DCDC1: variants seen among roughly 807,000 people sequenced by gnomAD.
DCDC1 encodes doublecortin domain containing 1.
Under a neutral mutation model 178.3 loss-of-function variants are expected in DCDC1, and 200 were observed. That is an observed-to-expected ratio of 1.12 (90% CI 1.00 to 1.26). The LOEUF (loss-of-function observed/expected upper bound fraction) is 1.26, where lower values mean the gene tolerates loss of function less well. Among genes scored for constraint, DCDC1 ranks in the 50% most tolerant of loss-of-function variants. DCDC1 has a pLI of 0.00. For missense variants in DCDC1, 1,983 were observed against 1,749.2 expected, an observed-to-expected ratio of 1.13 and a Z score of -2.38; for synonymous variants, 690 against 604.8, an observed-to-expected ratio of 1.14 and a Z score of -2.07.
intron 9 of DCDC1, among the ~76,000 whole-genome samples, chr11:31,146,073 CTT>C (rs35032604): frequency 1.5e-4 from 20 of 136,784 alleles, no homozygotes; most frequent in Admixed American, 1.5e-4. Flanking sequence ...TTAATCCAGT[CTT>C]TTTTTTTTTT....
rs758390301 is a variant in DCDC1 at position 30,915,718 on chromosome 11, T to C, written c.3453-7A>G. 8.1e-6 allele frequency: 13 copies of C among 1,608,446 alleles called. No homozygotes were observed. In the South Asian group the frequency reaches 1.1e-4, roughly 14 times the overall value. On this transcript the variant is annotated splice_region_variant and splice_polypyrimidine_tract_variant and intron_variant, in intron 26 of 38. Transcript: ENST00000684477. Reference sequence around the variant, plus strand: ...ACTATGCTTTGGTGAACAGCTGAGATAAAGAAATCTCTATTAGTGGCAGAA... The same window carrying C: ...ACTATGCTTTGGTGAACAGCTGAGACAAAGAAATCTCTATTAGTGGCAGAA...
intron 21 of DCDC1, among the ~76,000 whole-genome samples, chr11:30,942,895 G>A (rs886616294): frequency 1.3e-5 from 2 of 152,148 alleles, no homozygotes; most frequent in Admixed American, 6.5e-5. Flanking sequence ...TACTACTGTC[G>A]GTTCTTCCTT....
intron 16 of DCDC1, among the ~76,000 whole-genome samples, chr11:31,091,984 T>G (rs1957848692): frequency 6.6e-6 from 1 of 152,230 alleles, no homozygotes; most frequent in Non-Finnish European, 1.5e-5. Flanking sequence ...GTTTGTGAAC[T>G]GCTTTTATTT....
intron 22 of DCDC1, among the ~76,000 whole-genome samples, chr11:30,928,735 T>C (rs1466226610): frequency 3.1e-5 from 3 of 97,774 alleles, no homozygotes; most frequent in Non-Finnish European, 6.6e-5. Context: ...ACATGACATG[T>C]TATTACATAA....
intron 20 of DCDC1, among the ~76,000 whole-genome samples, chr11:31,038,785 G>A (rs1954243984): frequency 3.3e-5 from 5 of 151,942 alleles, no homozygotes; most frequent in Admixed American, 3.3e-4. Context: ...TCTAACAACA[G>A]GACAGTTCTC....
intron 17 of DCDC1, among the ~76,000 whole-genome samples, chr11:31,080,967 C>T (rs1457420010): frequency 6.6e-6 from 1 of 152,134 alleles, no homozygotes; most frequent in Non-Finnish European, 1.5e-5. Context: ...TATCGAATTA[C>T]GGTGTTGCCT....
chr11:31,070,450 T>C (rs1049322034), intron 18 of DCDC1, among the ~76,000 whole-genome samples: 4 of 152,154 alleles, frequency 2.6e-5, no homozygotes, highest in Admixed American at 2.0e-4. Context: ...TTCTAACCTA[T>C]TTTTTACCAC....
intron 20 of DCDC1, among the ~76,000 whole-genome samples, chr11:30,983,158 T>TA (rs779219970): frequency 3.9e-4 from 58 of 150,476 alleles, no homozygotes; most frequent in East Asian, 9.8e-4. Context: ...CTTAACAAAA[T>TA]AAAAAAAAAG....
chr11:30,990,945 T>C (rs1418562494), intron 20 of DCDC1, among the ~76,000 whole-genome samples: 1 of 152,150 alleles, frequency 6.6e-6, no homozygotes, highest in Non-Finnish European at 1.5e-5. Context: ...AATTCCAAAA[T>C]AATTTTGGGG....
At chr11:30,907,832 T>C (rs978769704) in intron 29 of DCDC1, among the ~76,000 whole-genome samples, 9 of 152,180 alleles carry the variant, frequency 5.9e-5, no homozygotes, top group Non-Finnish European at 2.9e-5. Context: ...AATGGGTTTT[T>C]TATTTAAGCC....
At chr11:31,273,405 T>C (rs2137192468) in intron 7 of DCDC1, among the ~76,000 whole-genome samples, 1 of 152,244 alleles carries the variant, frequency 6.6e-6, no homozygotes, top group East Asian at 1.9e-4. Context: ...TCTCTCAATT[T>C]CAAAGTTCCA....
intron 38 of DCDC1, among the ~76,000 whole-genome samples, chr11:30,866,735 C>G (rs1451419082): frequency 6.6e-6 from 1 of 152,038 alleles, no homozygotes; most frequent in Non-Finnish European, 1.5e-5. Flanking sequence ...TAAGCTACCC[C>G]TCTTGTGGTA....
rs569465161 is a variant in DCDC1, at chr11:30,939,667, T to C, written c.2716-7715A>G. Among the ~76,000 whole-genome samples, 33 of 152,316 alleles carry C rather than the reference T, an allele frequency of 2.2e-4. No individual in the cohort carries two copies. In the South Asian group the frequency reaches 6.6e-3, roughly 31 times the overall value. On this transcript the variant is annotated intron_variant, in intron 21 of 38. Coordinates refer to ENST00000684477, the MANE Select transcript of DCDC1 (RefSeq NM_001387274.1). Reference sequence around the variant, plus strand: ...TCAATTTCCCAATAATGAAACTTTCTTCTCTTTAATGAGCTGACCCCACCT... The same window carrying C: ...TCAATTTCCCAATAATGAAACTTTCCTCTCTTTAATGAGCTGACCCCACCT...
At chr11:30,872,986 C>T (rs1230209555) in intron 38 of DCDC1, among the ~76,000 whole-genome samples, 1 of 150,616 alleles carries the variant, frequency 6.6e-6, no homozygotes, top group Non-Finnish European at 1.5e-5. Flanking sequence ...GCAGTGACTG[C>T]CTGAATATAT....
intron 1 of DCDC1, among the ~76,000 whole-genome samples, chr11:31,357,596 C>T (rs374977668): frequency 4.6e-5 from 7 of 151,776 alleles, no homozygotes; most frequent in East Asian, 1.9e-4. Context: ...AGGGCAATTA[C>T]GCAGGAGAAG....
At chr11:31,020,149 T>C (rs1161631011) in intron 20 of DCDC1, among the ~76,000 whole-genome samples, 12 of 152,164 alleles carry the variant, frequency 7.9e-5, no homozygotes, top group Admixed American at 7.9e-4. Flanking sequence ...AAACAAGAGG[T>C]GCTGGATAAG....
chr11:31,005,278 T>C (rs1295503143), intron 20 of DCDC1, among the ~76,000 whole-genome samples: 1 of 152,200 alleles, frequency 6.6e-6, no homozygotes, highest in African/African-American at 2.4e-5. Flanking sequence ...CAATGGCTGG[T>C]TTCCTCACAC....
chr11:31,335,719 C>T (rs1019018500), intron 1 of DCDC1, among the ~76,000 whole-genome samples, 155 bp from the exon 2 acceptor site: 2 of 152,164 alleles, frequency 1.3e-5, no homozygotes, highest in African/African-American at 4.8e-5. Flanking sequence ...AATTTTTCTA[C>T]AGACCCAAGG....
intron 9 of DCDC1, among the ~76,000 whole-genome samples, chr11:31,190,029 G>A (rs1182445490): frequency 6.6e-6 from 1 of 152,150 alleles, no homozygotes; most frequent in Non-Finnish European, 1.5e-5. Context: ...TAAATATAGT[G>A]ACGAGTAATA....
Sources: gnomAD v4.1 joint callset for allele counts (sites outside exome capture counted in the v4.1 genomes callset) on GRCh38, gnomAD v4.1.1 for gene constraint, MANE v1.5 for transcripts, NCBI Gene and HGNC (gene_info 2026-07-23, HGNC 2026-07-21) for gene names.